The following SHC2 variants were observed in gnomAD, a reference collection of about 807,000 sequenced individuals.
The protein encoded by SHC2 is SHC adaptor protein 2, also known as SHC-transforming protein 2.
A neutral mutation model predicts 60.6 loss-of-function variants in SHC2; 62 were observed. The observed-to-expected ratio is 1.02, with a 90% CI of 0.83 to 1.26. The LOEUF is 1.26. Ranked by LOEUF, SHC2 falls within the 50% of genes most tolerant of loss-of-function variation. SHC2 has a pLI of 0.00. For missense variants in SHC2, 873 were observed against 822.2 expected (o/e 1.06, Z -0.76); for synonymous variants, 375 against 372.4 (o/e 1.01, Z -0.08).
Position 460,923 on chromosome 19 carries a change from A to G in SHC2, c.74T>C (p.Phe25Ser). 1 of 988,714 alleles carries G rather than the reference A, an allele frequency of 1.0e-6. No homozygotes were observed. The allele number at this position is 988,714 out of a possible 1,614,324, so 61.2% of individuals were successfully genotyped here. A position where few individuals can be genotyped will look rare whatever the true frequency, so the allele number is the denominator to read the frequency against. Residue 25 changes from phenylalanine to serine, a missense_variant, in exon 1 of 13, where the codon TTC becomes TCC. Phe to Ser is a radical substitution (Grantham distance 155, BLOSUM62 -2). Coordinates refer to ENST00000264554, the MANE Select transcript of SHC2 (RefSeq NM_012435.3). ...CGGCATTCGGGGCAGCAACGCGCAG[A>G]AGGTGGTGGGCGCCTCGGGCTCGGG... is the stretch of plus-strand genomic sequence containing the variant. ...APPEPEAPTT[F>S]CALLPRMPQW...
At chr19:418,053 C>G (rs1384491472) in intron 12 of SHC2, among the ~76,000 whole-genome samples, 2 of 152,200 alleles carry the variant, frequency 1.3e-5, no homozygotes, top group African/African-American at 4.8e-5. Flanking sequence ...CCAACCTCAC[C>G]CCAGAGGAGA....
rs764647025 is a variant in SHC2 at position 453,992 on chromosome 19, G to A, written c.468+6537C>T. Among the ~76,000 whole-genome samples, 5 of 152,328 alleles carry A rather than the reference G, an allele frequency of 3.3e-5. No individual in the cohort carries two copies. Among genetic ancestry groups the A allele is most frequent in the South Asian group, 2.1e-4 (1 of 4,828 alleles). ...GGTCGGTGTCCACAGACCTTGGCAC[G>A]AACTCTGGCCTCTCCAGGAGACAAG... On this transcript the variant is annotated intron_variant, in intron 1 of 12. Coordinates refer to ENST00000264554, the MANE Select transcript of SHC2 (RefSeq NM_012435.3). This position sits in a 1 kb window ranked among gnomAD's most constrained non-coding sequence, Gnocchi z 6.3.
At chr19:447,993 G>A (rs968962104) in intron 1 of SHC2, among the ~76,000 whole-genome samples, 4 of 152,204 alleles carry the variant, frequency 2.6e-5, no homozygotes, top group Admixed American at 6.5e-5. Flanking sequence ...CCCAGATCAC[G>A]TTCCAGGGAA....
intron 1 of SHC2, among the ~76,000 whole-genome samples, chr19:458,052 C>T (rs1305452798): frequency 0.016 from 1,981 of 123,592 alleles, 104 homozygotes; most frequent in Middle Eastern, 0.043. Flanking sequence ...GAGGCGGAAG[C>T]GGGTCTTGGG....
chr19:458,609 C>CGGGG lies in SHC2; in HGVS notation c.468+1919_468+1920insCCCC. Among the ~76,000 whole-genome samples the CGGGG allele has an allele frequency of 3.2e-3, 255 of 78,492 alleles. 60 individuals are homozygous for CGGGG. Among genetic ancestry groups the CGGGG allele is most frequent in the African/African-American group, 0.011 (206 of 18,052 alleles). 51.5% of individuals were successfully genotyped at this position (78,492 alleles called of 152,430 possible). A position where few individuals can be genotyped will look rare whatever the true frequency, so the allele number is the denominator to read the frequency against. ...TTCCGGGGGACGGGGAAGTGGGTTC[C>CGGGG]AGGGAGGCGGACGCGGGTTCCGGGG... On this transcript the variant is annotated intron_variant, in intron 1 of 12. Coordinates refer to ENST00000264554, the MANE Select transcript of SHC2 (RefSeq NM_012435.3).
chr19:430,680 C>G lies in SHC2; in HGVS notation c.1174+4G>C. 6.2e-7 allele frequency: 1 copy of G among 1,612,650 alleles called. No homozygotes were observed. Among genetic ancestry groups the G allele is most frequent in the South Asian group, 1.1e-5 (1 of 90,952 alleles). On this transcript the variant is annotated splice_donor_region_variant and intron_variant, in intron 9 of 12. Coordinates refer to ENST00000264554, the MANE Select transcript of SHC2 (RefSeq NM_012435.3). The stretch of plus-strand genomic sequence containing the variant: ...GTACCCCTTGCAGCCCCAGCCCATC[C>G]TACCTGTACCGGTGGACCCCACGTC...
In SHC2 at chr19:417,933, G is replaced by T. The variant is rs552170453; in HGVS notation, c.*6-611C>A. On this transcript the variant is annotated intron_variant, in intron 12 of 12. Transcript: ENST00000264554. ...GAGCGGCCTGACCTGGCCCAGAAGC[G>T]CAGCCCTTGGGAAATTCCACAGCCC... Among the ~76,000 whole-genome samples the T allele has an allele frequency of 1.8e-3, 268 of 152,184 alleles. 1 individual carries two copies. Among genetic ancestry groups the T allele is most frequent in the African/African-American group, 6.2e-3 (258 of 41,528 alleles).
At position 419,063 on chromosome 19, in the gene SHC2, G is replaced by A. The variant is rs1365829951; in HGVS notation, c.1621-7C>T. The A allele has an allele frequency of 4.5e-6, 7 of 1,571,714 alleles. No individual in the cohort carries two copies. In the East Asian group the frequency reaches 9.3e-5, roughly 21 times the overall value. On this transcript the variant is annotated splice_polypyrimidine_tract_variant and splice_region_variant and intron_variant, in intron 11 of 12. Transcript: ENST00000264554. ...GCACGTCCTTCGTCCGTACCTGCGG[G>A]ACAGAGACCTCGGCATCAGCTCCCG...
chr19:423,158 G>A (rs1568281421), intron 10 of SHC2, among the ~76,000 whole-genome samples: 1 of 130,320 alleles, frequency 7.7e-6, no homozygotes, highest in Non-Finnish European at 1.6e-5. Context: ...CTGGTCTCCC[G>A]CCCCTCCAGC....
rs192721924 is a variant in SHC2 at position 438,685 on chromosome 19, T to C, written c.720+33A>G. On this transcript the variant is annotated intron_variant, in intron 4 of 12. Coordinates refer to ENST00000264554, the MANE Select transcript of SHC2 (RefSeq NM_012435.3). This position sits in a 1 kb window ranked among gnomAD's most constrained non-coding sequence, Gnocchi z 5.0. ...CTAGGACTCCTGGCCCCTCTGGGGGTCTGGGGACGCCAGGCGAAGAGGGCA... is the reference window on the plus strand; with the variant it reads ...CTAGGACTCCTGGCCCCTCTGGGGGCCTGGGGACGCCAGGCGAAGAGGGCA... 1 of 1,546,090 alleles carries C rather than the reference T, an allele frequency of 6.5e-7. No homozygotes were observed. Among genetic ancestry groups the C allele is most frequent in the Non-Finnish European group, 8.7e-7 (1 of 1,146,156 alleles).
In SHC2 at chr19:440,717, A is replaced by G. The variant is rs1974842688; in HGVS notation, c.539+145T>C. 1 of 693,660 alleles carries G rather than the reference A, an allele frequency of 1.4e-6. No homozygotes were observed. Among genetic ancestry groups the G allele is most frequent in the Non-Finnish European group, 2.6e-6 (1 of 388,980 alleles). The allele number at this position is 693,660 out of a possible 1,614,324, so 43.0% of individuals were successfully genotyped here. ...GGGACAGGGCGGAGACGTGGCGTGA[A>G]GTGGGAGGGAGGTGGGGGGCACCGA... On this transcript the variant is annotated intron_variant, in intron 2 of 12. Transcript: ENST00000264554. The surrounding 1 kb of genome is among the most constrained non-coding windows in gnomAD (Gnocchi z 7.0).
rs1974769768 is a variant in SHC2 at position 438,375 on chromosome 19, G to A, written c.720+343C>T. ...TTTCCACTTGAGGACTGATAGCCAGGGTTTATCCCCGCCCCTCCCCAGGCA... is the reference window on the plus strand; with the variant it reads ...TTTCCACTTGAGGACTGATAGCCAGAGTTTATCCCCGCCCCTCCCCAGGCA... On this transcript the variant is annotated intron_variant, in intron 4 of 12. Coordinates refer to ENST00000264554, the MANE Select transcript of SHC2 (RefSeq NM_012435.3). This position sits in a 1 kb window ranked among gnomAD's most constrained non-coding sequence, Gnocchi z 5.0. 6.6e-6 allele frequency among the ~76,000 whole-genome samples: 1 copy of A among 152,212 alleles called. No individual in the cohort carries two copies. Among genetic ancestry groups the A allele is most frequent in the Non-Finnish European group, 1.5e-5 (1 of 68,030 alleles).
chr19:440,025 C>CAAA lies in SHC2; in HGVS notation c.539+834_539+836dup, dbSNP rs60912837. On this transcript the variant is annotated intron_variant, in intron 2 of 12. Coordinates refer to ENST00000264554, the MANE Select transcript of SHC2 (RefSeq NM_012435.3). This position sits in a 1 kb window ranked among gnomAD's most constrained non-coding sequence, Gnocchi z 7.0. The stretch of plus-strand genomic sequence containing the variant: ...TGGGCAACAGAGTGAGACTCCATCT[C>CAAA]AAAAAAAAAAAAAAAAAAGGAGCAA... Among the ~76,000 whole-genome samples, 29 of 66,420 alleles carry CAAA rather than the reference C, an allele frequency of 4.4e-4. 1 individual carries two copies. The South Asian group carries it at 5.5e-3, about 12-fold the overall frequency. 43.6% of individuals were successfully genotyped at this position (66,420 alleles called of 152,430 possible).
chr19:460,982 C>A lies in SHC2; in HGVS notation c.15G>T (p.Pro5=). The change falls in exon 1 of 13, where the codon CCG becomes CCT. Residue 5 remains proline, a synonymous_variant. Coordinates refer to ENST00000264554, the MANE Select transcript of SHC2 (RefSeq NM_012435.3). The part of the protein sequence containing the change: MTQG[P]GGRAPPAPPA... The stretch of plus-strand genomic sequence containing the variant: ...GGGGCGCCGGGGGCGCGCGCCCGCC[C>A]GGACCCTGCGTCATGGCCGCGGCCG... 2 of 978,066 alleles carry A rather than the reference C, an allele frequency of 2.0e-6. No individual in the cohort carries two copies. Among genetic ancestry groups the A allele is most frequent in the Non-Finnish European group, 1.2e-6 (1 of 823,244 alleles). 60.6% of individuals were successfully genotyped at this position (978,066 alleles called of 1,614,324 possible). A position where few individuals can be genotyped will look rare whatever the true frequency, so the allele number is the denominator to read the frequency against.
intron 2 of SHC2, 173 bp from the exon 3 acceptor site, chr19:439,203 C>A: frequency 5.3e-6 from 1 of 188,256 alleles, no homozygotes; most frequent in Non-Finnish European, 9.7e-6. Context: ...ATCAGGGGGC[C>A]TAAAGTGGGC....
chr19:418,874 A>C (rs1361029128), intron 12 of SHC2, 49 bp downstream of exon 12: 2 of 1,550,152 alleles, frequency 1.3e-6, no homozygotes, highest in African/African-American at 2.7e-5. Context: ...ATCAGAAAAG[A>C]ATCTGGCAAA....
rs1975259397 is a variant in SHC2, at chr19:453,739, G to A, written c.468+6790C>T. ...CCAGCTTAAGGGACCCGCGATGCAG[G>A]AAGGATGAAGTGTCATTTTGCCGAC... On this transcript the variant is annotated intron_variant, in intron 1 of 12. Transcript: ENST00000264554. The surrounding 1 kb of genome is among the most constrained non-coding windows in gnomAD (Gnocchi z 6.3). Among the ~76,000 whole-genome samples the A allele has an allele frequency of 6.6e-6, 1 of 152,186 alleles. No homozygotes were observed. The highest frequency in any genetic ancestry group is 6.5e-5 in the Admixed American group (1 of 15,280).
intron 4 of SHC2, among the ~76,000 whole-genome samples, chr19:437,232 T>C (rs1003438808): frequency 2.6e-5 from 4 of 151,800 alleles, no homozygotes; most frequent in East Asian, 3.9e-4. Context: ...GCGTGCTCGT[T>C]TGCGAGCTCA....
chr19:426,029 CA>C (rs1317631897), intron 9 of SHC2, among the ~76,000 whole-genome samples: 18,980 of 79,448 alleles, frequency 0.24, 1,036 homozygotes, highest in Non-Finnish European at 0.26. Context: ...ACTCAGTCTC[CA>C]AAAAAAAAAA....
Sources: allele counts gnomAD v4.1 joint callset (sites outside exome capture counted in the v4.1 genomes callset), GRCh38; gene constraint gnomAD v4.1.1; non-coding constraint Gnocchi (gnomAD v3.1); transcripts MANE v1.5; gene names NCBI Gene and HGNC (gene_info 2026-07-23, HGNC 2026-07-21).